The following KIT variants were observed in gnomAD, a reference collection of about 807,000 sequenced individuals.
KIT encodes mast/stem cell growth factor receptor Kit.
In KIT, 16 loss-of-function variants were observed where a neutral mutation model predicts 105.7. The observed-to-expected ratio is 0.15, with a 90% CI of 0.10 to 0.23. KIT has a LOEUF of 0.23. Among genes scored for constraint, KIT ranks in the 10% least tolerant of loss-of-function variants. The pLI is 1.00. For synonymous variants in KIT, 438 were observed against 441.1 expected, an observed-to-expected ratio of 0.99 and a Z score of 0.09; for missense variants, 858 against 1,213.8, an observed-to-expected ratio of 0.71 and a Z score of 4.36.
chr4:54,707,272 A>G lies in KIT; in HGVS notation c.1100A>G (p.Asn367Ser), dbSNP rs1060502552. 1 of 1,609,860 alleles carries G rather than the reference A, an allele frequency of 6.2e-7. No homozygotes were observed. The highest frequency in any genetic ancestry group is 8.5e-7 in the Non-Finnish European group (1 of 1,176,202). The change falls in exon 6 of 21, where the codon AAT becomes AGT. Residue 367 changes from asparagine (N) to serine (S), a missense_variant. Transcript: ENST00000288135. ...TGGGAAGATTATCCCAAGTCTGAGA[A>G]TGAAAGTAATATCAGGTAAGAAATG... ...DKWEDYPKSE[N>S]ESNIRYVSEL...
intron 1 of KIT, among the ~76,000 whole-genome samples, chr4:54,693,671 C>T (rs1719862668): frequency 7.0e-6 from 1 of 143,712 alleles, no homozygotes; most frequent in Admixed American, 7.3e-5. Context: ...CAGATCAGTC[C>T]TCATCTGCAA....
In KIT at chr4:54,727,992, T is replaced by C. The variant is rs1212584156; in HGVS notation, c.1880-19T>C. The stretch of plus-strand genomic sequence containing the variant: ...TTGCCAGTTGTGCTTTTTGCTAAAA[T>C]GCATGTTTCCAATTTTAGCGAGTGC... On this transcript the variant is annotated intron_variant, in intron 12 of 20. Coordinates refer to ENST00000288135, the MANE Select transcript of KIT (RefSeq NM_000222.3). 1.2e-6 allele frequency: 2 copies of C among 1,613,162 alleles called. No homozygotes were observed. The highest frequency in any genetic ancestry group is 1.7e-5 in the Admixed American group (1 of 60,012).
At chr4:54,703,947 A>G in intron 5 of KIT, 55 bp downstream of exon 5, 1 of 1,325,504 alleles carries the variant, frequency 7.5e-7, no homozygotes, top group Non-Finnish European at 1.1e-6. Context: ...AGAAGAAATT[A>G]TTAGACAGTT....
At chr4:54,668,641 A>C (rs1341368021) in intron 1 of KIT, among the ~76,000 whole-genome samples, 1 of 152,252 alleles carries the variant, frequency 6.6e-6, no homozygotes, top group Non-Finnish European at 1.5e-5. Flanking sequence ...GAAAAGAAGT[A>C]TTTCTAGAAC....
At chr4:54,683,260 A>G (rs1461193557) in intron 1 of KIT, among the ~76,000 whole-genome samples, 2 of 152,244 alleles carry the variant, frequency 1.3e-5, no homozygotes, top group African/African-American at 4.8e-5. Context: ...AACTTGCCTA[A>G]TGATTTAGAA....
intron 1 of KIT, among the ~76,000 whole-genome samples, chr4:54,682,788 G>C (rs1468973017): frequency 7.1e-6 from 1 of 141,650 alleles, no homozygotes. Flanking sequence ...GTCTCGCCCC[G>C]TCACCCGAGC....
chr4:54,675,144 T>G (rs1031155203), intron 1 of KIT, among the ~76,000 whole-genome samples: 1 of 152,208 alleles, frequency 6.6e-6, no homozygotes, highest in African/African-American at 2.4e-5. Flanking sequence ...TTTCCTCCAA[T>G]TGGCCATTGA....
chr4:54,717,157 G>C (rs1721556072), intron 7 of KIT, among the ~76,000 whole-genome samples: 1 of 152,066 alleles, frequency 6.6e-6, no homozygotes, highest in African/African-American at 2.4e-5. Flanking sequence ...AATGTCTGTG[G>C]AGGCAAGAAT....
rs116557979 is a variant in KIT at position 54,704,249 on chromosome 4, T to C, written c.925+357T>C. Among the ~76,000 whole-genome samples, 408 of 152,350 alleles carry C rather than the reference T, an allele frequency of 2.7e-3. 1 individual carries two copies. Among genetic ancestry groups the C allele is most frequent in the Non-Finnish European group, 3.1e-3 (212 of 68,034 alleles). On this transcript the variant is annotated intron_variant, in intron 5 of 20. Transcript: ENST00000288135. The stretch of plus-strand genomic sequence containing the variant: ...TGTAGAATTTATCAAGGAACACAAA[T>C]GCTTAGAGCCTGAAGTATTTCTCTG...
chr4:54,658,451 C>T (rs560422358), intron 1 of KIT, among the ~76,000 whole-genome samples: 1 of 152,232 alleles, frequency 6.6e-6, no homozygotes. Flanking sequence ...AGCGCCTTCT[C>T]TTGCCGTGCG....
intron 8 of KIT, 54 bp from the exon 9 acceptor site, chr4:54,725,803 T>G: frequency 1.4e-6 from 2 of 1,471,326 alleles, no homozygotes; most frequent in Non-Finnish European, 1.9e-6. Context: ...AAGTGTTTTA[T>G]GTATTTATTT....
chr4:54,700,837 C>T (rs1720410607), intron 4 of KIT, among the ~76,000 whole-genome samples: 1 of 152,126 alleles, frequency 6.6e-6, no homozygotes, highest in Admixed American at 6.6e-5. Flanking sequence ...TGAAGCCTGC[C>T]ATTGACTGGT....
intron 4 of KIT, among the ~76,000 whole-genome samples, chr4:54,700,763 G>A (rs539690313): frequency 6.6e-6 from 1 of 152,288 alleles, no homozygotes; most frequent in East Asian, 1.9e-4. Context: ...CATGGTGATT[G>A]CCATAATGCA....
At chr4:54,691,343 A>G (rs898618192) in intron 1 of KIT, among the ~76,000 whole-genome samples, 2 of 152,188 alleles carry the variant, frequency 1.3e-5, no homozygotes, top group Non-Finnish European at 2.9e-5. Context: ...ACATCAGTAC[A>G]AGGCAAATGA....
At chr4:54,723,044 A>G (rs1240260777) in intron 7 of KIT, among the ~76,000 whole-genome samples, 3 of 151,962 alleles carry the variant, frequency 2.0e-5, no homozygotes, top group African/African-American at 7.2e-5. Flanking sequence ...TTCCCTGTAA[A>G]TAGAGTGATT....
intron 1 of KIT, among the ~76,000 whole-genome samples, chr4:54,680,036 C>T (rs1032431547): frequency 6.6e-6 from 1 of 152,080 alleles, no homozygotes; most frequent in Non-Finnish European, 1.5e-5. Flanking sequence ...AGTCATTATG[C>T]AATATTTCTG....
chr4:54,691,953 A>G lies in KIT; in HGVS notation c.68-3559A>G, dbSNP rs920102241. ...CAGATGATGGAAACTCTTCCCATAC[A>G]TAGGAAGTGGGTGAGTCCGGACTGA... On this transcript the variant is annotated intron_variant, in intron 1 of 20. Coordinates refer to ENST00000288135, the MANE Select transcript of KIT (RefSeq NM_000222.3). Among the ~76,000 whole-genome samples the G allele has an allele frequency of 2.0e-5, 3 of 152,178 alleles. No individual in the cohort carries two copies. In the East Asian group the frequency reaches 5.8e-4, roughly 29 times the overall value.
chr4:54,665,024 A>G (rs1015555900), intron 1 of KIT, among the ~76,000 whole-genome samples: 1 of 152,040 alleles, frequency 6.6e-6, no homozygotes, highest in Non-Finnish European at 1.5e-5. Context: ...GAAATTCTAT[A>G]CCCATTGAAG....
At chr4:54,719,196 G>A (rs1395066652) in intron 7 of KIT, among the ~76,000 whole-genome samples, 2 of 152,146 alleles carry the variant, frequency 1.3e-5, no homozygotes, top group Admixed American at 6.5e-5. Context: ...AGCGGAAGTT[G>A]GTTAAAGTGG....
Sources: allele counts gnomAD v4.1 joint callset (sites outside exome capture counted in the v4.1 genomes callset), GRCh38; gene constraint gnomAD v4.1.1; transcripts MANE v1.5; gene names NCBI Gene and HGNC (gene_info 2026-07-23, HGNC 2026-07-21).